Variants in AFF2 observed in about 807,000 individuals in gnomAD.
AFF2 encodes the protein ALF transcription elongation factor 2.
In AFF2, 14 loss-of-function variants were observed where a neutral mutation model predicts 76.9. The ratio of observed to expected loss-of-function variants is 0.18; its 90% CI spans 0.12 to 0.28. The LOEUF (loss-of-function observed/expected upper bound fraction) is 0.28. Ranked by LOEUF, AFF2 falls within the 10% of genes least tolerant of loss-of-function variation. AFF2 has a pLI of 1.00. For synonymous variants in AFF2, 398 were observed against 366.7 expected, an observed-to-expected ratio of 1.09 and a Z score of -0.98; for missense variants, 868 against 1,001.1, an observed-to-expected ratio of 0.87 and a Z score of 1.79.
chrX:148,758,881 A>C (rs782258302), intron 3 of AFF2, among the ~76,000 whole-genome samples: 6 of 111,709 alleles, frequency 5.4e-5, no homozygotes, highest in Non-Finnish European at 1.1e-4. Context: ...ATATTTCCCA[A>C]CTGTCCTGAG....
chrX:148,617,539 T>C (rs929278006), intron 1 of AFF2, among the ~76,000 whole-genome samples: 11 of 112,345 alleles, frequency 9.8e-5, no homozygotes, highest in Non-Finnish European at 2.1e-4. Flanking sequence ...TTCACTCTGA[T>C]GGTAGTTTCT....
intron 3 of AFF2, among the ~76,000 whole-genome samples, chrX:148,664,071 G>A (rs782361097): frequency 4.5e-5 from 5 of 111,353 alleles, no homozygotes; most frequent in Admixed American, 3.8e-4. Context: ...AGCCTTCAGT[G>A]GACTGCTGTG....
chrX:148,842,066 C>G (rs1557274321), intron 5 of AFF2, among the ~76,000 whole-genome samples: 1 of 112,259 alleles, frequency 8.9e-6, no homozygotes, highest in East Asian at 2.8e-4. Context: ...CAATATTAGG[C>G]TTAATAAATA....
At chrX:148,813,365 C>T (rs782338526) in intron 4 of AFF2, among the ~76,000 whole-genome samples, 2 of 111,915 alleles carry the variant, frequency 1.8e-5, no homozygotes, top group African/African-American at 6.5e-5. Context: ...TTAAGAATAC[C>T]AGCAAACCAA....
At chrX:148,711,568 A>G (rs1416741447) in intron 3 of AFF2, among the ~76,000 whole-genome samples, 1 of 112,344 alleles carries the variant, frequency 8.9e-6, no homozygotes, top group Non-Finnish European at 1.9e-5. Context: ...TCTGAAATTC[A>G]TGCATAACCA....
chrX:148,777,181 A>G (rs1272690910), intron 3 of AFF2, among the ~76,000 whole-genome samples: 1 of 111,110 alleles, frequency 9.0e-6, no homozygotes, highest in African/African-American at 3.3e-5. Flanking sequence ...GTGTGGTGTT[A>G]TTTCTGAGGC....
At chrX:148,728,842 A>G (rs1384724425) in intron 3 of AFF2, among the ~76,000 whole-genome samples, 1 of 112,558 alleles carries the variant, frequency 8.9e-6, no homozygotes, top group African/African-American at 3.2e-5. Flanking sequence ...AAAGTTCACT[A>G]TATAACTAAC....
Position 148,953,723 on chromosome X carries a change from G to A in AFF2, c.1541G>A (p.Arg514His), listed in dbSNP as rs369100046. 1.1e-5 allele frequency: 13 copies of A among 1,206,482 alleles called. No homozygotes were observed. The highest frequency in any genetic ancestry group is 2.3e-4 in the Middle Eastern group (1 of 4,365). Reference protein sequence around the residue: ...TTDSESNEAPRVATPEPEPPS... With the variant: ...TTDSESNEAPHVATPEPEPPS... Reference sequence around the variant, plus strand: ...GACAGCGAATCTAATGAGGCACCTCGTGTGGCAACTCCAGAGGTGAGTGAA... The same window carrying A: ...GACAGCGAATCTAATGAGGCACCTCATGTGGCAACTCCAGAGGTGAGTGAA... The change falls in exon 10 of 21, where the codon CGT becomes CAT. Residue 514 changes from arginine to histidine, a missense_variant. By Grantham distance (29) the Arg-to-His change is conservative. This residue lies in a region of AFF2 where 532 missense variants were observed against 564.2 expected (regional missense o/e 0.94). Coordinates refer to ENST00000370460, the MANE Select transcript of AFF2 (RefSeq NM_002025.4).
chrX:148,821,752 G>A (rs1209898161), intron 4 of AFF2, among the ~76,000 whole-genome samples: 1 of 111,348 alleles, frequency 9.0e-6, no homozygotes, highest in Non-Finnish European at 1.9e-5. Flanking sequence ...ATGTGTGTAT[G>A]TTGGGGAGTT....
At chrX:148,673,174 A>G (rs1482347184) in intron 3 of AFF2, among the ~76,000 whole-genome samples, 1 of 112,100 alleles carries the variant, frequency 8.9e-6, no homozygotes, top group African/African-American at 3.2e-5. Context: ...CTGTGAAAAT[A>G]AATGAACTAA....
chrX:148,765,501 T>C (rs1190335821), intron 3 of AFF2, among the ~76,000 whole-genome samples: 1 of 111,401 alleles, frequency 9.0e-6, no homozygotes, highest in East Asian at 2.8e-4. Flanking sequence ...TCCTTAATTC[T>C]TGATTTTGGA....
At chrX:148,921,376 C>A (rs782474346) in intron 9 of AFF2, among the ~76,000 whole-genome samples, 6 of 112,220 alleles carry the variant, frequency 5.3e-5, no homozygotes, top group Non-Finnish European at 1.1e-4. Flanking sequence ...CTCTCACCCC[C>A]CAAGGGAGCC....
chrX:148,603,358 A>C (rs1432968350), intron 1 of AFF2, among the ~76,000 whole-genome samples: 1 of 111,330 alleles, frequency 9.0e-6, no homozygotes, highest in Non-Finnish European at 1.9e-5. Context: ...GAATTCCCTA[A>C]GTTCTTCTAT....
At chrX:148,759,512 G>C (rs782293290) in intron 3 of AFF2, among the ~76,000 whole-genome samples, 4 of 112,242 alleles carry the variant, frequency 3.6e-5, no homozygotes, top group African/African-American at 1.3e-4. Flanking sequence ...GTTGAATGCA[G>C]TGTGACAATG....
intron 5 of AFF2, among the ~76,000 whole-genome samples, chrX:148,841,281 G>T (rs1411795964): frequency 8.9e-6 from 1 of 111,820 alleles, no homozygotes; most frequent in African/African-American, 3.2e-5. Flanking sequence ...AAAAATACTT[G>T]TATATAGTTA....
intron 1 of AFF2, among the ~76,000 whole-genome samples, chrX:148,569,269 ACT>A (rs1483908121): frequency 9.1e-6 from 1 of 110,461 alleles, no homozygotes; most frequent in African/African-American, 3.3e-5. Flanking sequence ...AATCTAGAAA[ACT>A]CTGCATATAG....
intron 3 of AFF2, among the ~76,000 whole-genome samples, chrX:148,731,392 C>T (rs782387952): frequency 8.9e-6 from 1 of 111,962 alleles, no homozygotes; most frequent in Non-Finnish European, 1.9e-5. Context: ...TTTTATACTC[C>T]ATCCCCAAGC....
chrX:148,843,271 T>G (rs1201155676), intron 6 of AFF2, 111 bp from the exon 7 acceptor site: 1 of 637,372 alleles, frequency 1.6e-6, no homozygotes, highest in Non-Finnish European at 2.4e-6. Context: ...ATCTGTTACT[T>G]ATCTCAAGAA....
chrX:148,547,302 G>T (rs6654997), intron 1 of AFF2: 60 of 108,942 alleles, frequency 5.5e-4, no homozygotes, highest in African/African-American at 1.9e-3. Context: ...TGCAGTGAAG[G>T]GTCCAGAGTG....
Sources: allele counts gnomAD v4.1 joint callset (sites outside exome capture counted in the v4.1 genomes callset), GRCh38; gene constraint gnomAD v4.1.1; regional missense constraint gnomAD v4.1.1; transcripts MANE v1.5; gene names NCBI Gene and HGNC (gene_info 2026-07-23, HGNC 2026-07-21).